The following TJP3 variants were observed in gnomAD, a reference collection of about 807,000 sequenced individuals.
TJP3 encodes the protein tight junction protein 3.
In TJP3, 85 loss-of-function variants were observed where a neutral mutation model predicts 104.2. The ratio of observed to expected loss-of-function variants is 0.82; its 90% CI spans 0.68 to 0.98. The LOEUF (loss-of-function observed/expected upper bound fraction) is 0.98. TJP3 is among the 50% of genes least tolerant of loss of function. TJP3 has a pLI of 0.00. For synonymous variants in TJP3, 550 were observed against 550.6 expected, an observed-to-expected ratio of 1.00 and a Z score of 0.02; for missense variants, 1,367 against 1,322.8, an observed-to-expected ratio of 1.03 and a Z score of -0.52.
chr19:3,717,217 G>T (rs191287824), intron 1 of TJP3, among the ~76,000 whole-genome samples: 2 of 145,400 alleles, frequency 1.4e-5, no homozygotes, highest in African/African-American at 4.9e-5. Context: ...CGCCCGCCTC[G>T]ACCTCCCAAA....
rs528126737 is a variant in TJP3, at chr19:3,714,840, G to C, written c.-10+6279G>C. 1.6e-4 allele frequency among the ~76,000 whole-genome samples: 24 copies of C among 152,152 alleles called. 1 individual carries two copies. Among genetic ancestry groups the C allele is most frequent in the African/African-American group, 5.8e-4 (24 of 41,554 alleles). ...GGCCTCCAGAACTCCACCTTCCCTG[G>C]GTCCTCCTGTCCCTCACCCTGCTCA... On this transcript the variant is annotated intron_variant, in intron 1 of 20. Transcript: ENST00000541714.
chr19:3,733,181 G>A (rs567736517), intron 6 of TJP3, among the ~76,000 whole-genome samples: 3 of 151,548 alleles, frequency 2.0e-5, no homozygotes, highest in Non-Finnish European at 2.9e-5. Flanking sequence ...GACCACAGGC[G>A]CCCACCACCA....
At chr19:3,719,809 C>T (rs1222718996) in intron 1 of TJP3, among the ~76,000 whole-genome samples, 1 of 151,688 alleles carries the variant, frequency 6.6e-6, no homozygotes, top group African/African-American at 2.4e-5. Context: ...GAAATGCCTT[C>T]TACAATTCTT....
In TJP3 at chr19:3,740,781, A is replaced by G. The variant is rs984759133; in HGVS notation, c.1843+18A>G. The G allele has an allele frequency of 2.0e-6, 3 of 1,538,404 alleles. No individual in the cohort carries two copies. The highest frequency in any genetic ancestry group is 2.0e-5 in the Admixed American group (1 of 48,852). The stretch of plus-strand genomic sequence containing the variant: ...GCGAGAAGGTGGGGCCCGGAGCTGG[A>G]GGGGCCCTGGGGAGGCCTCACACAC... On this transcript the variant is annotated intron_variant, in intron 14 of 20. Transcript: ENST00000541714.
chr19:3,708,784 C>A (rs933816085), intron 1 of TJP3, among the ~76,000 whole-genome samples: 2 of 152,188 alleles, frequency 1.3e-5, no homozygotes, highest in Admixed American at 1.3e-4. Flanking sequence ...GCCCAGGACG[C>A]TGAGCTGGAA....
chr19:3,711,894 C>T (rs918137490), intron 1 of TJP3, among the ~76,000 whole-genome samples: 2 of 151,804 alleles, frequency 1.3e-5, no homozygotes, highest in South Asian at 2.1e-4. Flanking sequence ...CTGTGTTGGC[C>T]GGCCTGGTCT....
chr19:3,724,416 C>T (rs893699691), intron 1 of TJP3, among the ~76,000 whole-genome samples: 2 of 152,148 alleles, frequency 1.3e-5, no homozygotes, highest in African/African-American at 2.4e-5. Context: ...AGGATAGTCT[C>T]GATCTCCTGA....
At chr19:3,723,339 C>T (rs1044057989) in intron 1 of TJP3, among the ~76,000 whole-genome samples, 3 of 152,138 alleles carry the variant, frequency 2.0e-5, no homozygotes, top group Non-Finnish European at 4.4e-5. Context: ...CCAGTACCAG[C>T]ACTCAAGGCC....
In TJP3 at chr19:3,740,564, G is replaced by A; in HGVS notation, c.1644G>A (p.Leu548=). ...CTCTTCTCCCCAGGGCGGAGCAGCT[G>A]GCCAGCCTGGAAGCTGCCCAGAGGG... ...IIPNQSRAEQ[L]ASLEAAQRAV... is the part of the protein sequence containing the mutation. The change falls in exon 14 of 21, where the codon CTG becomes CTA. Residue 548 remains leucine (L), a synonymous_variant. Transcript: ENST00000541714. 6.7e-7 allele frequency: 1 copy of A among 1,487,140 alleles called. No homozygotes were observed. Among genetic ancestry groups the A allele is most frequent in the Non-Finnish European group, 8.9e-7 (1 of 1,119,464 alleles). The allele number at this position is 1,487,140 out of a possible 1,614,324, so 92.1% of individuals were successfully genotyped here.
intron 1 of TJP3, among the ~76,000 whole-genome samples, chr19:3,714,202 G>A (rs1373424518): frequency 4.0e-5 from 6 of 151,802 alleles, no homozygotes; most frequent in Non-Finnish European, 7.4e-5. Flanking sequence ...GCAGCCCGCC[G>A]CCACACCCGG....
chr19:3,714,981 T>C (rs545694125), intron 1 of TJP3, among the ~76,000 whole-genome samples: 1 of 152,382 alleles, frequency 6.6e-6, no homozygotes, highest in East Asian at 1.9e-4. Flanking sequence ...ATGAAGTAGA[T>C]TGCTGAAAAG....
chr19:3,709,172 G>A (rs1228549862), intron 1 of TJP3, among the ~76,000 whole-genome samples: 1 of 152,030 alleles, frequency 6.6e-6, no homozygotes, highest in Non-Finnish European at 1.5e-5. Context: ...CTGGAGTGCA[G>A]TGGTGCGATC....
At chr19:3,716,136 C>T (rs1454552441) in intron 1 of TJP3, among the ~76,000 whole-genome samples, 1 of 143,768 alleles carries the variant, frequency 7.0e-6, no homozygotes, top group East Asian at 2.0e-4. Flanking sequence ...GCAGTGGCGC[C>T]ATCTCAGATC....
At chr19:3,749,653 G>A (rs2036963167) in intron 19 of TJP3, 1 of 156,762 alleles carries the variant, frequency 6.4e-6, no homozygotes, top group Admixed American at 6.4e-5. Flanking sequence ...GCTGTAGTTG[G>A]GTGTTTAACA....
In TJP3 at chr19:3,730,130, C is replaced by T. The variant is rs764779827; in HGVS notation, c.261C>T (p.Ile87=). 2.5e-5 allele frequency: 40 copies of T among 1,613,782 alleles called. No homozygotes were observed. Among genetic ancestry groups the T allele is most frequent in the Middle Eastern group, 3.3e-4 (2 of 6,080 alleles). Residue 87 remains isoleucine (I), a splice_region_variant and synonymous_variant, in exon 4 of 21, where the codon ATC becomes ATT. Transcript: ENST00000541714. The surrounding 1 kb of genome is among the most constrained non-coding windows in gnomAD (Gnocchi z 7.3). ...ILKTCTKMAN[I]TVKRPRRIHL... ...AGACCTGCACCAAGATGGCCAACAT[C>T]GTGAGTAGGCAGCCCCTGGCATGGC...
chr19:3,732,571 G>A (rs1402693186), intron 6 of TJP3, among the ~76,000 whole-genome samples: 2 of 151,038 alleles, frequency 1.3e-5, no homozygotes, highest in Admixed American at 1.3e-4. Context: ...GTGCAGTGGC[G>A]CAATCTCGGC....
At chr19:3,716,797 A>ATTTTT (rs1251840414) in intron 1 of TJP3, among the ~76,000 whole-genome samples, 3 of 67,880 alleles carry the variant, frequency 4.4e-5, no homozygotes, top group African/African-American at 1.4e-4. Flanking sequence ...ATATATATAT[A>ATTTTT]TATATTTTTT....
At position 3,733,887 on chromosome 19, in the gene TJP3, T is replaced by A; in HGVS notation, c.852T>A (p.Ser284Arg). The A allele has an allele frequency of 6.2e-7, 1 of 1,614,108 alleles. No individual in the cohort carries two copies. Among genetic ancestry groups the A allele is most frequent in the Non-Finnish European group, 8.5e-7 (1 of 1,179,996 alleles). Residue 284 changes from serine (S) to arginine (R), a missense_variant, in exon 7 of 21, where the codon AGT becomes AGA. Physicochemically the swap from Ser to Arg is moderately radical, Grantham distance 110 (BLOSUM62 -1). Transcript: ENST00000541714. The part of the protein sequence containing the change: ...QFLVNIPPAV[S>R]DSDSSPLEDI... Reference sequence around the variant, plus strand: ...TGGTGAACATTCCGCCTGCTGTCAGTGACAGCGACAGCTCGCCATTGGAGG... The same window carrying A: ...TGGTGAACATTCCGCCTGCTGTCAGAGACAGCGACAGCTCGCCATTGGAGG...
chr19:3,728,577 C>A, intron 2 of TJP3, 27 bp from the exon 3 acceptor site: 1 of 1,606,284 alleles, frequency 6.2e-7, no homozygotes, highest in Admixed American at 1.7e-5. Flanking sequence ...GAAACAGCAG[C>A]TCTTCCTTCC....
Sources: gnomAD v4.1 joint callset for allele counts (sites outside exome capture counted in the v4.1 genomes callset) on GRCh38, gnomAD v4.1.1 for gene constraint, Gnocchi (gnomAD v3.1) non-coding constraint, MANE v1.5 for transcripts, NCBI Gene and HGNC (gene_info 2026-07-23, HGNC 2026-07-21) for gene names.